The following GRM7 variants were observed in gnomAD, a reference collection of about 807,000 sequenced individuals.
GRM7 encodes glutamate metabotropic receptor 7.
In GRM7, 35 loss-of-function variants were observed where a neutral mutation model predicts 84.5. The ratio of observed to expected loss-of-function variants is 0.41; its 90% CI spans 0.32 to 0.55. GRM7 has a LOEUF of 0.55. GRM7 is among the 20% of genes least tolerant of loss of function. The pLI is 0.19. For missense variants in GRM7, 1,003 were observed against 1,194.6 expected, an observed-to-expected ratio of 0.84 and a Z score of 2.36; for synonymous variants, 487 against 455.1, an observed-to-expected ratio of 1.07 and a Z score of -0.89.
chr3:7,123,165 T>C (rs1693280742), intron 1 of GRM7, among the ~76,000 whole-genome samples: 2 of 152,248 alleles, frequency 1.3e-5, no homozygotes, highest in African/African-American at 2.4e-5. Context: ...TACAATTCAC[T>C]TCTATTTATT....
chr3:7,075,667 A>T (rs1302847514), intron 1 of GRM7, among the ~76,000 whole-genome samples: 1 of 152,002 alleles, frequency 6.6e-6, no homozygotes, highest in African/African-American at 2.4e-5. Flanking sequence ...CTGGGATTAC[A>T]GGTGCCCGCC....
intron 7 of GRM7, among the ~76,000 whole-genome samples, chr3:7,515,787 G>T (rs879900826): frequency 4.6e-5 from 7 of 152,002 alleles, no homozygotes; most frequent in Admixed American, 6.6e-5. Context: ...CTAAACTAGG[G>T]CCAAGTGCCT....
chr3:7,172,425 G>T (rs1368677517), intron 2 of GRM7, among the ~76,000 whole-genome samples: 3 of 151,966 alleles, frequency 2.0e-5, no homozygotes, highest in African/African-American at 7.3e-5. Flanking sequence ...CCCAATCATT[G>T]CCCATTTTCA....
chr3:7,555,164 T>C (rs982903112), intron 7 of GRM7, among the ~76,000 whole-genome samples: 7 of 152,240 alleles, frequency 4.6e-5, no homozygotes, highest in Non-Finnish European at 8.8e-5. Context: ...AAATAACTGG[T>C]ACAACCCTTA....
intron 2 of GRM7, among the ~76,000 whole-genome samples, chr3:7,243,785 T>C (rs913323594): frequency 3.9e-5 from 6 of 152,168 alleles, no homozygotes; most frequent in Non-Finnish European, 7.4e-5. Context: ...CTAGATGACA[T>C]GCCTACTATA....
At chr3:7,186,938 G>A (rs1395979353) in intron 2 of GRM7, among the ~76,000 whole-genome samples, 1 of 152,112 alleles carries the variant, frequency 6.6e-6, no homozygotes, top group African/African-American at 2.4e-5. Context: ...AATAATTGGA[G>A]TCTGGTGTGG....
intron 1 of GRM7, among the ~76,000 whole-genome samples, chr3:7,132,293 A>G (rs994827284): frequency 2.0e-5 from 3 of 152,190 alleles, no homozygotes; most frequent in Non-Finnish European, 4.4e-5. Flanking sequence ...TATATTCCTT[A>G]CTTGGTATGT....
At position 6,861,474 on chromosome 3, in the gene GRM7, C is replaced by T. The variant is rs1238724004; in HGVS notation, c.86C>T (p.Ala29Val). 8 of 1,438,680 alleles carry T rather than the reference C, an allele frequency of 5.6e-6. No homozygotes were observed. Among genetic ancestry groups the T allele is most frequent in the Non-Finnish European group, 7.5e-6 (8 of 1,072,384 alleles). 89.1% of individuals were successfully genotyped at this position (1,438,680 alleles called of 1,614,324 possible). A position where few individuals can be genotyped will look rare whatever the true frequency, so the allele number is the denominator to read the frequency against. The change falls in exon 1 of 10, where the codon GCG (alanine) becomes GTG (valine). Residue 29 changes from alanine (A) to valine (V), a missense_variant. Transcript: ENST00000357716. The surrounding 1 kb of genome is among the most constrained non-coding windows in gnomAD (Gnocchi z 6.4). ...CVLEVLLCAL[A>V]AAARGQEMYA... Reference sequence around the variant, plus strand: ...CTGGAGGTGCTCCTGTGCGCGCTGGCGGCGGCGGCGCGCGGCCAGGAGATG... The same window carrying T: ...CTGGAGGTGCTCCTGTGCGCGCTGGTGGCGGCGGCGCGCGGCCAGGAGATG...
At chr3:7,300,768 TACTC>T (rs1262370148) in intron 3 of GRM7, among the ~76,000 whole-genome samples, 2 of 152,166 alleles carry the variant, frequency 1.3e-5, no homozygotes, top group African/African-American at 2.4e-5. Flanking sequence ...AAATTCTTCA[TACTC>T]ACTCAGTTTC....
intron 4 of GRM7, among the ~76,000 whole-genome samples, chr3:7,307,007 T>C (rs1283909912): frequency 6.6e-6 from 1 of 152,166 alleles, no homozygotes; most frequent in African/African-American, 2.4e-5. Flanking sequence ...CCTTTCACTT[T>C]GTAACGCATC....
intron 7 of GRM7, among the ~76,000 whole-genome samples, chr3:7,502,181 TA>T (rs1273589764): frequency 6.6e-6 from 1 of 152,154 alleles, no homozygotes; most frequent in Non-Finnish European, 1.5e-5. Flanking sequence ...TGAAATGTAT[TA>T]AAGCCCTCAT....
intron 4 of GRM7, among the ~76,000 whole-genome samples, chr3:7,335,247 AACTC>A (rs1701358048): frequency 1.3e-5 from 2 of 152,258 alleles, no homozygotes; most frequent in African/African-American, 2.4e-5. Flanking sequence ...ATTGGAAACT[AACTC>A]CAAGAGGAAC....
chr3:7,115,541 G>A (rs1413855366), intron 1 of GRM7, among the ~76,000 whole-genome samples: 1 of 152,090 alleles, frequency 6.6e-6, no homozygotes, highest in East Asian at 1.9e-4. Flanking sequence ...TCAAGTTAAG[G>A]TCTATAAAAG....
At chr3:7,201,740 G>C (rs1277223733) in intron 2 of GRM7, among the ~76,000 whole-genome samples, 1 of 151,506 alleles carries the variant, frequency 6.6e-6, no homozygotes, top group South Asian at 2.1e-4. Flanking sequence ...AGACCACATA[G>C]CTAGTTAATA....
chr3:7,578,338 C>T, intron 7 of GRM7, 84 bp from the exon 8 acceptor site: 1 of 848,232 alleles, frequency 1.2e-6, no homozygotes, highest in Non-Finnish European at 1.9e-6. Flanking sequence ...TGTCACTTGC[C>T]ATGAGTACTG....
intron 2 of GRM7, among the ~76,000 whole-genome samples, chr3:7,280,306 T>C (rs1316606713): frequency 6.6e-6 from 1 of 152,244 alleles, no homozygotes; most frequent in Non-Finnish European, 1.5e-5. Flanking sequence ...ATATTACTTC[T>C]TGTCATACTT....
intron 1 of GRM7, among the ~76,000 whole-genome samples, chr3:6,955,976 C>G (rs756530777): frequency 6.6e-6 from 1 of 152,032 alleles, no homozygotes; most frequent in Non-Finnish European, 1.5e-5. Flanking sequence ...GCTTTAATCA[C>G]AAAGGAGAGA....
chr3:7,176,008 C>T (rs1695133276), intron 2 of GRM7, among the ~76,000 whole-genome samples: 1 of 151,930 alleles, frequency 6.6e-6, no homozygotes. Context: ...CCACCTGCAT[C>T]GTTACATACA....
intron 2 of GRM7, among the ~76,000 whole-genome samples, chr3:7,147,815 G>T (rs1448143534): frequency 6.6e-6 from 1 of 152,098 alleles, no homozygotes; most frequent in Non-Finnish European, 1.5e-5. Context: ...TGACTAAATA[G>T]CTTCTAATCA....
Sources: gnomAD v4.1 joint callset for allele counts (sites outside exome capture counted in the v4.1 genomes callset) on GRCh38, gnomAD v4.1.1 for gene constraint, Gnocchi (gnomAD v3.1) non-coding constraint, MANE v1.5 for transcripts, NCBI Gene and HGNC (gene_info 2026-07-23, HGNC 2026-07-21) for gene names.